Variants in FLNB observed in about 807,000 individuals in gnomAD.
FLNB encodes the protein filamin B, also known as filamin-B.
A neutral mutation model predicts 250.6 loss-of-function variants in FLNB; 111 were observed. The observed-to-expected ratio is 0.44, with a 90% CI of 0.38 to 0.52. The LOEUF is 0.52. Among genes scored for constraint, FLNB ranks in the 20% least tolerant of loss-of-function variants. The pLI is 0.00. For synonymous variants in FLNB, 1,302 were observed against 1,372.1 expected (o/e 0.95, Z 1.13); for missense variants, 2,869 against 3,447.8 (o/e 0.83, Z 4.20).
chr3:58,120,852 A>G (rs1346479742), intron 19 of FLNB, among the ~76,000 whole-genome samples: 6 of 152,238 alleles, frequency 3.9e-5, no homozygotes, highest in African/African-American at 7.2e-5. Flanking sequence ...AGGCTGCTGC[A>G]TATGTCACCC....
chr3:58,093,633 T>A (rs1218855868), intron 4 of FLNB, among the ~76,000 whole-genome samples: 1 of 149,464 alleles, frequency 6.7e-6, no homozygotes, highest in Non-Finnish European at 1.5e-5. Flanking sequence ...ATACTTATGT[T>A]CACACACACA....
At chr3:58,096,562 G>C (rs989210475) in intron 6 of FLNB, among the ~76,000 whole-genome samples, 4 of 152,080 alleles carry the variant, frequency 2.6e-5, no homozygotes, top group Non-Finnish European at 5.9e-5. Context: ...AAGCTGGAGT[G>C]CAGTGGTGTG....
chr3:58,143,678 A>G, intron 32 of FLNB, 65 bp downstream of exon 32: 1 of 1,595,644 alleles, frequency 6.3e-7, no homozygotes, highest in Non-Finnish European at 8.6e-7. Flanking sequence ...GCCTGCAGAC[A>G]CTCCTCAGCC....
In FLNB at chr3:58,155,945, T is replaced by C; in HGVS notation, c.6773-15T>C. 3 of 1,576,400 alleles carry C rather than the reference T, an allele frequency of 1.9e-6. No individual in the cohort carries two copies. Among genetic ancestry groups the C allele is most frequent in the Non-Finnish European group, 2.6e-6 (3 of 1,145,620 alleles). On this transcript the variant is annotated splice_polypyrimidine_tract_variant and intron_variant, in intron 40 of 45. Transcript: ENST00000295956. ...CCAGAGTCTCTGAAATGATGGGACTTTCCTGTCCTCATAGGTAACTACGAG... is the reference window on the plus strand; with the variant it reads ...CCAGAGTCTCTGAAATGATGGGACTCTCCTGTCCTCATAGGTAACTACGAG...
rs1263010324 is a variant in FLNB at position 58,112,248 on chromosome 3, C to G, written c.2675C>G (p.Ala892Gly). ...TTCAACAGCCCTCTTCCTGGCGATGCAGTGAAGGATTTGGATATCATCGAT... is the reference window on the plus strand; with the variant it reads ...TTCAACAGCCCTCTTCCTGGCGATGGAGTGAAGGATTTGGATATCATCGAT... Reference protein sequence around the residue: ...VQFNSPLPGDAVKDLDIIDNY... With the variant: ...VQFNSPLPGDGVKDLDIIDNY... Residue 892 changes from alanine (A) to glycine (G), a missense_variant, in exon 18 of 46, where the codon GCA becomes GGA. Physicochemically the swap from Ala to Gly is moderately conservative, Grantham distance 60 (BLOSUM62 0). Transcript: ENST00000295956. 3 of 1,614,000 alleles carry G rather than the reference C, an allele frequency of 1.9e-6. No individual in the cohort carries two copies. The highest frequency in any genetic ancestry group is 2.5e-6 in the Non-Finnish European group (3 of 1,180,000).
At chr3:58,056,225 C>T (rs1404270052) in intron 1 of FLNB, among the ~76,000 whole-genome samples, 1 of 151,296 alleles carries the variant, frequency 6.6e-6, no homozygotes, top group African/African-American at 2.4e-5. Flanking sequence ...CCTCAGGCTC[C>T]TGAGTAGCTG....
intron 1 of FLNB, among the ~76,000 whole-genome samples, chr3:58,024,412 G>T (rs1281165270): frequency 6.6e-6 from 1 of 152,094 alleles, no homozygotes; most frequent in Non-Finnish European, 1.5e-5. Flanking sequence ...CCCATGAATG[G>T]TGGTCATCAT....
Position 58,102,199 on chromosome 3 carries a change from G to A in FLNB, c.1346-4G>A, listed in dbSNP as rs750297400. 17 of 1,614,094 alleles carry A rather than the reference G, an allele frequency of 1.1e-5. No individual in the cohort carries two copies. The highest frequency in any genetic ancestry group is 1.4e-5 in the Non-Finnish European group (16 of 1,180,034). Reference sequence around the variant, plus strand: ...TTGAATTGATGTCAAAACTGTGCTTGCAGCCTGCAATCCAAATGCCTGCCG... The same window carrying A: ...TTGAATTGATGTCAAAACTGTGCTTACAGCCTGCAATCCAAATGCCTGCCG... On this transcript the variant is annotated splice_region_variant and splice_polypyrimidine_tract_variant and intron_variant, in intron 8 of 45. Coordinates refer to ENST00000295956, the MANE Select transcript of FLNB (RefSeq NM_001457.4).
At chr3:58,146,713 C>T in intron 33 of FLNB, 107 bp from the exon 34 acceptor site, 1 of 1,165,030 alleles carries the variant, frequency 8.6e-7, no homozygotes, top group Non-Finnish European at 1.3e-6. Context: ...GTGCGTCAAT[C>T]CATTGTCCCC....
intron 15 of FLNB, 97 bp from the exon 16 acceptor site, chr3:58,109,913 C>A: frequency 6.6e-7 from 1 of 1,517,930 alleles, no homozygotes; most frequent in Non-Finnish European, 9.1e-7. Context: ...CTAGAAACTT[C>A]CCAATTGCTT....
chr3:58,115,609 C>T (rs1322836912), intron 18 of FLNB, among the ~76,000 whole-genome samples: 1 of 152,154 alleles, frequency 6.6e-6, no homozygotes, highest in Non-Finnish European at 1.5e-5. Context: ...CAGAGTCACC[C>T]CAAGGTCACA....
At chr3:58,086,742 A>G (rs2097217952) in intron 4 of FLNB, among the ~76,000 whole-genome samples, 1 of 152,226 alleles carries the variant, frequency 6.6e-6, no homozygotes, top group Non-Finnish European at 1.5e-5. Flanking sequence ...ACAGCCGGAG[A>G]TTAAATGAGA....
intron 4 of FLNB, among the ~76,000 whole-genome samples, chr3:58,089,992 G>A (rs1232070321): frequency 1.3e-5 from 2 of 152,034 alleles, no homozygotes; most frequent in Admixed American, 1.3e-4. Context: ...TCACCCTGTT[G>A]GCCTGGCTGG....
chr3:58,121,757 C>T (rs1213475055), intron 20 of FLNB, among the ~76,000 whole-genome samples: 1 of 152,186 alleles, frequency 6.6e-6, no homozygotes, highest in African/African-American at 2.4e-5. Flanking sequence ...TAATCACAGT[C>T]CTCACTACAA....
In FLNB at chr3:58,134,627, T is replaced by C; in HGVS notation, c.4526T>C (p.Val1509Ala). 1 of 1,614,116 alleles carries C rather than the reference T, an allele frequency of 6.2e-7. No homozygotes were observed. The highest frequency in any genetic ancestry group is 8.5e-7 in the Non-Finnish European group (1 of 1,180,002). ...DEEIPRSPFKVKVLPTYDASK... is the reference protein window; with the variant it reads ...DEEIPRSPFKAKVLPTYDASK... ...GTGTGTCTATCAAGTCCCTTCAAGG[T>C]CAAGGTCCTTCCCACATATGATGCC... is the stretch of plus-strand genomic sequence containing the variant. The change falls in exon 27 of 46, where the codon GTC becomes GCC. Residue 1509 changes from valine to alanine, a missense_variant. Coordinates refer to ENST00000295956, the MANE Select transcript of FLNB (RefSeq NM_001457.4).
intron 19 of FLNB, among the ~76,000 whole-genome samples, chr3:58,120,349 A>G (rs928247643): frequency 2.6e-5 from 4 of 152,206 alleles, no homozygotes; most frequent in African/African-American, 9.7e-5. Flanking sequence ...CCAATTAGGA[A>G]AGCCTCTTTT....
At position 58,160,873 on chromosome 3, in the gene FLNB, T is replaced by C. The variant is rs1266400210; in HGVS notation, c.7021+1187T>C. Among the ~76,000 whole-genome samples, 3 of 151,944 alleles carry C rather than the reference T, an allele frequency of 2.0e-5. No individual in the cohort carries two copies. The South Asian group carries it at 6.2e-4, about 32-fold the overall frequency. On this transcript the variant is annotated intron_variant, in intron 42 of 45. Transcript: ENST00000295956. ...ATGGTGGCACACACCTGTAGTCTAC[T>C]TGTGGGGGATGAGGTGGGAGGATTG...
In FLNB at chr3:58,142,912, A is replaced by G. The variant is rs567355833; in HGVS notation, c.5284+160A>G. ...TGTTGGGCCGTGGGCTCCTGAAACT[A>G]CAGAATATGCCACGTGTGTGTTTCT... On this transcript the variant is annotated intron_variant, in intron 31 of 45. Transcript: ENST00000295956. This position sits in a 1 kb window ranked among gnomAD's most constrained non-coding sequence, Gnocchi z 4.3. 1.3e-5 allele frequency among the ~76,000 whole-genome samples: 2 copies of G among 152,314 alleles called. No individual in the cohort carries two copies. The highest frequency in any genetic ancestry group is 6.5e-5 in the Admixed American group (1 of 15,298).
rs2097328006 is a variant in FLNB, at chr3:58,142,031, T to C, written c.5181+102T>C. The C allele has an allele frequency of 5.2e-6, 5 of 953,770 alleles. No individual in the cohort carries two copies. The highest frequency in any genetic ancestry group is 8.5e-6 in the Non-Finnish European group (5 of 586,498). 59.1% of individuals were successfully genotyped at this position (953,770 alleles called of 1,614,324 possible). The stretch of plus-strand genomic sequence containing the variant: ...TGGGATTGCTTAAGCCCTGTGGGTG[T>C]CCTGGTCATTGGTGTGCCCCTCACT... On this transcript the variant is annotated intron_variant, in intron 30 of 45. Coordinates refer to ENST00000295956, the MANE Select transcript of FLNB (RefSeq NM_001457.4). The surrounding 1 kb of genome is among the most constrained non-coding windows in gnomAD (Gnocchi z 4.3).
Sources: gnomAD v4.1 joint callset for allele counts (sites outside exome capture counted in the v4.1 genomes callset) on GRCh38, gnomAD v4.1.1 for gene constraint, Gnocchi (gnomAD v3.1) non-coding constraint, MANE v1.5 for transcripts, NCBI Gene and HGNC (gene_info 2026-07-23, HGNC 2026-07-21) for gene names.